UMPS: variants seen among roughly 807,000 people sequenced by gnomAD.
UMPS encodes uridine 5'-monophosphate synthase.
In UMPS, 21 loss-of-function variants were observed where a neutral mutation model predicts 38.9. The ratio of observed to expected loss-of-function variants is 0.54; its 90% CI spans 0.38 to 0.78. UMPS has a LOEUF of 0.78. UMPS is among the 30% of genes least tolerant of loss of function. UMPS has a pLI of 0.00. For synonymous variants in UMPS, 208 were observed against 219.3 expected (o/e 0.95, Z 0.45); for missense variants, 533 against 591.6 (o/e 0.90, Z 1.03).
At chr3:124,732,014 C>T (rs992679529) in intron 1 of UMPS, among the ~76,000 whole-genome samples, 1 of 151,686 alleles carries the variant, frequency 6.6e-6, no homozygotes. Flanking sequence ...TGCCCAGGCT[C>T]GTCTCAAACT....
rs1411513097 is a variant in UMPS at position 124,748,917 on chromosome 3, G to A, written c.*4833G>A. 2 of 446,506 alleles carry A rather than the reference G, an allele frequency of 4.5e-6. No individual in the cohort carries two copies. The highest frequency in any genetic ancestry group is 9.0e-6 in the Non-Finnish European group (2 of 221,658). The allele number at this position is 446,506 out of a possible 1,614,324, so 27.7% of individuals were successfully genotyped here. A position where few individuals can be genotyped will look rare whatever the true frequency, so the allele number is the denominator to read the frequency against. On this transcript the variant is annotated 3_prime_UTR_variant, in exon 6 of 6. Coordinates refer to ENST00000232607, the MANE Select transcript of UMPS (RefSeq NM_000373.4). ...CCTGGTGGGCCTGAGAGTCTCAATC[G>A]TCAGGTAAGGACAGTCAGTGGGAAG... is the stretch of plus-strand genomic sequence containing the variant.
intron 5 of UMPS, 81 bp from the exon 6 acceptor site, chr3:124,743,834 A>G: frequency 6.4e-7 from 1 of 1,558,728 alleles, no homozygotes; most frequent in Non-Finnish European, 8.8e-7. Flanking sequence ...AAAGCTGGTT[A>G]GATACTTTTT....
chr3:124,740,609 G>A (rs1002462745), intron 4 of UMPS, among the ~76,000 whole-genome samples: 7 of 152,132 alleles, frequency 4.6e-5, no homozygotes, highest in African/African-American at 1.7e-4. Context: ...CCCACATGCA[G>A]TGGCTTTCTC....
chr3:124,742,410 A>C, intron 5 of UMPS, 144 bp downstream of exon 5: 1 of 682,426 alleles, frequency 1.5e-6, no homozygotes, highest in South Asian at 1.7e-5. Context: ...TTTGGTAACT[A>C]TGTATCTTTG....
intron 1 of UMPS, among the ~76,000 whole-genome samples, chr3:124,733,985 T>C (rs891843746): frequency 2.0e-5 from 3 of 152,208 alleles, no homozygotes; most frequent in Non-Finnish European, 4.4e-5. Context: ...ATGTAAAAAA[T>C]TTTAAACTTT....
intron 5 of UMPS, among the ~76,000 whole-genome samples, chr3:124,742,957 C>T (rs4678148): frequency 0.18 from 27,073 of 151,932 alleles, 2,593 homozygotes; most frequent in Admixed American, 0.26. Context: ...TACAGATGAT[C>T]TAAAATTTGA....
rs946719292 is a variant in UMPS, at chr3:124,748,718, G to A, written c.*4634G>A. On this transcript the variant is annotated 3_prime_UTR_variant, in exon 6 of 6. Transcript: ENST00000232607. ...GTCATGTTTTTCAGCGCTGGGGTTG[G>A]GGGGAGCCCAGGAGAGCAGGAAGAT... 1 of 448,272 alleles carries A rather than the reference G, an allele frequency of 2.2e-6. No homozygotes were observed. Among genetic ancestry groups the A allele is most frequent in the Non-Finnish European group, 4.5e-6 (1 of 223,902 alleles). The allele number at this position is 448,272 out of a possible 1,614,324, so 27.8% of individuals were successfully genotyped here.
intron 5 of UMPS, among the ~76,000 whole-genome samples, chr3:124,743,327 CTG>C (rs1239585323): frequency 6.8e-6 from 1 of 147,974 alleles, no homozygotes; most frequent in African/African-American, 2.5e-5. Context: ...GAGCAAGACT[CTG>C]TCTCAAAAAA....
At position 124,738,376 on chromosome 3, in the gene UMPS, A is replaced by G. The variant is rs17843822; in HGVS notation, c.982+137A>G. ...GTGGTTGGATCCAGGAGCTCAAGTG[A>G]TATCTTCATGACTTGCTTTCTCTCC... On this transcript the variant is annotated intron_variant, in intron 3 of 5. Transcript: ENST00000232607. 0.017 allele frequency: 14,181 copies of G among 851,066 alleles called. 248 individuals are homozygous for G. The highest frequency in any genetic ancestry group is 0.061 in the East Asian group (2,298 of 37,700). The allele number at this position is 851,066 out of a possible 1,614,324, so 52.7% of individuals were successfully genotyped here. A position where few individuals can be genotyped will look rare whatever the true frequency, so the allele number is the denominator to read the frequency against.
Position 124,748,920 on chromosome 3 carries a change from AG to A in UMPS, c.*4838del. On this transcript the variant is annotated 3_prime_UTR_variant, in exon 6 of 6. Coordinates refer to ENST00000232607, the MANE Select transcript of UMPS (RefSeq NM_000373.4). ...GGTGGGCCTGAGAGTCTCAATCGTC[AG>A]GTAAGGACAGTCAGTGGGAAGTGGA... The A allele has an allele frequency of 2.2e-6, 1 of 445,952 alleles. No homozygotes were observed. 27.6% of individuals were successfully genotyped at this position (445,952 alleles called of 1,614,324 possible).
chr3:124,731,508 G>T (rs1168291929), intron 1 of UMPS: 1 of 437,254 alleles, frequency 2.3e-6, no homozygotes, highest in Non-Finnish European at 4.6e-6. Context: ...TTTTTTAGAT[G>T]GGATCTCTCT....
chr3:124,736,415 A>G (rs1284572405), intron 2 of UMPS, among the ~76,000 whole-genome samples: 1 of 146,436 alleles, frequency 6.8e-6, no homozygotes. Flanking sequence ...ATTAAAAAAA[A>G]GAAACATATT....
intron 1 of UMPS, among the ~76,000 whole-genome samples, chr3:124,734,563 A>G (rs2063504162): frequency 6.6e-6 from 1 of 152,166 alleles, no homozygotes; most frequent in Non-Finnish European, 1.5e-5. Context: ...CTGGTTGAAT[A>G]GATTCATTCT....
chr3:124,735,693 T>G (rs78639310), intron 2 of UMPS, among the ~76,000 whole-genome samples: 1,693 of 152,306 alleles, frequency 0.011, 25 homozygotes, highest in African/African-American at 0.039. Flanking sequence ...ACCCGAAAAT[T>G]TGTCCAGGCA....
Position 124,730,457 on chromosome 3 carries a change from A to C in UMPS, c.-15A>C, listed in dbSNP as rs199795661. The C allele has an allele frequency of 1.2e-6, 2 of 1,613,826 alleles. No individual in the cohort carries two copies. The highest frequency in any genetic ancestry group is 2.7e-5 in the African/African-American group (2 of 75,050). On this transcript the variant is annotated 5_prime_UTR_variant, in exon 1 of 6. Transcript: ENST00000232607. ...GGGCGCCTGGGAATTTGAAGCAAAC[A>C]GGCAGCGCGCGACAATGGCGGTCGC...
Position 124,746,495 on chromosome 3 carries a change from A to G in UMPS, c.*2411A>G. ...TTAGAGGACAAGTTGATTCAGGCAG[A>G]GAAGAACTTGGGCTATACAAGCGCT... is the stretch of plus-strand genomic sequence containing the variant. On this transcript the variant is annotated 3_prime_UTR_variant, in exon 6 of 6. Transcript: ENST00000232607. 2.4e-6 allele frequency: 1 copy of G among 422,000 alleles called. No homozygotes were observed. Among genetic ancestry groups the G allele is most frequent in the South Asian group, 1.6e-5 (1 of 63,186 alleles). 26.1% of individuals were successfully genotyped at this position (422,000 alleles called of 1,614,324 possible).
chr3:124,732,373 A>T (rs1445716802), intron 1 of UMPS: 1 of 154,754 alleles, frequency 6.5e-6, no homozygotes, highest in African/African-American at 2.4e-5. Flanking sequence ...TATAAGGAAA[A>T]TTTTTGTACA....
At chr3:124,731,678 C>T (rs954344793) in intron 1 of UMPS, 4 of 223,342 alleles carry the variant, frequency 1.8e-5, no homozygotes, top group Admixed American at 1.5e-4. Flanking sequence ...GGGTGGATCA[C>T]TTAAGGTCTG....
chr3:124,739,060 A>G (rs2063537376), intron 3 of UMPS, among the ~76,000 whole-genome samples: 1 of 152,202 alleles, frequency 6.6e-6, no homozygotes, highest in South Asian at 2.1e-4. Context: ...TGACTTCTTC[A>G]TGTGCTTAAG....
Sources: gnomAD v4.1 joint callset for allele counts (sites outside exome capture counted in the v4.1 genomes callset) on GRCh38, gnomAD v4.1.1 for gene constraint, MANE v1.5 for transcripts, NCBI Gene and HGNC (gene_info 2026-07-23, HGNC 2026-07-21) for gene names.